The following PARP9 variants were observed in gnomAD, a reference collection of about 807,000 sequenced individuals.
The protein encoded by PARP9 is poly(ADP-ribose) polymerase family member 9, also known as protein mono-ADP-ribosyltransferase PARP9.
In PARP9, 48 loss-of-function variants were observed where a neutral mutation model predicts 68.8. The observed-to-expected ratio is 0.70, with a 90% CI of 0.55 to 0.89. The LOEUF (loss-of-function observed/expected upper bound fraction) is 0.89, where lower values mean the gene tolerates loss of function less well. PARP9 is among the 40% of genes least tolerant of loss of function. PARP9 has a pLI of 0.00. For synonymous variants in PARP9, 309 were observed against 333.8 expected (o/e 0.93, Z 0.81); for missense variants, 806 against 969.3 (o/e 0.83, Z 2.24).
upstream of PARP9, chr3:122,564,449 C>G: frequency 6.2e-7 from 1 of 1,611,268 alleles, no homozygotes; most frequent in African/African-American, 1.3e-5. Context: ...CTGCGCCCGC[C>G]GTCCCCGCTC....
chr3:122,556,007 C>T lies in PARP9; in HGVS notation c.164G>A (p.Gly55Asp), dbSNP rs765075961. Residue 55 changes from glycine (G) to aspartate (D), a missense_variant, in exon 4 of 11, where the codon GGC (glycine) becomes GAC (aspartate). Physicochemically the swap from Gly to Asp is moderately conservative, Grantham distance 94. Around this residue, in one of 2 missense-constraint regions of PARP9, gnomAD observed 126 missense variants for 110.5 expected, o/e 1.14. Transcript: ENST00000682323. ...TGGAGAGACCAGGGTAGAGATACAG[C>T]CAAACTTATTCTGGAGGACTTCACA... ...QLCEVLQNKF[G>D]CISTLVSPVQ... The T allele has an allele frequency of 6.2e-7, 1 of 1,613,730 alleles. No homozygotes were observed. The highest frequency in any genetic ancestry group is 2.2e-5 in the East Asian group (1 of 44,888).
chr3:122,532,561 G>C, intron 10 of PARP9: 3 of 401,410 alleles, frequency 7.5e-6, no homozygotes, highest in Non-Finnish European at 1.0e-5. Flanking sequence ...GTGAGAGTTG[G>C]GTAAAGTTCC....
At chr3:122,546,544 A>T (rs1375662805) in intron 6 of PARP9, among the ~76,000 whole-genome samples, 1 of 152,218 alleles carries the variant, frequency 6.6e-6, no homozygotes, top group South Asian at 2.1e-4. Context: ...ACTACAACTT[A>T]TTTAGGAAGA....
At position 122,550,594 on chromosome 3, in the gene PARP9, T is replaced by A. The variant is rs1318198595; in HGVS notation, c.1316A>T (p.Glu439Val). The change falls in exon 6 of 11, where the codon GAG (glutamate) becomes GTG (valine). Residue 439 changes from glutamate to valine, a missense_variant. Glu to Val is a moderately radical substitution (Grantham distance 121). Transcript: ENST00000682323. ...VKFVIFPTDL[E>V]IYKAFSSEMA... Reference sequence around the variant, plus strand: ...AAGATATTAACTTACCTTATATATCTCCAAATCTGTTGGAAAGATCACAAA... The same window carrying A: ...AAGATATTAACTTACCTTATATATCACCAAATCTGTTGGAAAGATCACAAA... 1.9e-6 allele frequency: 3 copies of A among 1,608,202 alleles called. No individual in the cohort carries two copies. In the African/African-American group the frequency reaches 4.0e-5, roughly 22 times the overall value.
Position 122,540,466 on chromosome 3 carries a change from A to C in PARP9, c.1765+6T>G, listed in dbSNP as rs2078115336. On this transcript the variant is annotated splice_donor_region_variant and intron_variant, in intron 8 of 10. Coordinates refer to ENST00000682323, the MANE Select transcript of PARP9 (RefSeq NM_001146105.2). ...TTACTTTCTAATTTGATAGAAAGTT[A>C]CTCACCTAACGAGCGCCAAAGGCCT... The C allele has an allele frequency of 6.2e-7, 1 of 1,608,918 alleles. No homozygotes were observed. The highest frequency in any genetic ancestry group is 1.7e-5 in the Admixed American group (1 of 59,336).
intron 10 of PARP9, chr3:122,534,170 G>C: frequency 1.2e-6 from 1 of 802,904 alleles, no homozygotes. Context: ...CAAGATCTGT[G>C]GTTAGGTTAT....
At chr3:122,562,213 C>T (rs1054445395) in intron 1 of PARP9, among the ~76,000 whole-genome samples, 16 of 143,932 alleles carry the variant, frequency 1.1e-4, no homozygotes, top group Non-Finnish European at 2.3e-4. Context: ...CTTTTTGAGA[C>T]GGAGTCTTAC....
chr3:122,554,885 ATT>A (rs111889676), intron 4 of PARP9, among the ~76,000 whole-genome samples: 16 of 143,598 alleles, frequency 1.1e-4, no homozygotes, highest in Admixed American at 1.4e-4. Context: ...TGCCCTGATA[ATT>A]TTTTTTTTTT....
Position 122,532,991 on chromosome 3 carries a change from C to A in PARP9, c.2080+3177G>T, listed in dbSNP as rs28403550. ...TTTATCCCGTAGGCAACTGGGAATA[C>A]AGATATTAAGCAAGAATGTAATTTT... is the stretch of plus-strand genomic sequence containing the variant. On this transcript the variant is annotated intron_variant, in intron 10 of 10. Transcript: ENST00000682323. 0.15 allele frequency: 23,184 copies of A among 152,082 alleles called. 1,860 individuals are homozygous for A. The highest frequency in any genetic ancestry group is 0.33 in the East Asian group (1,689 of 5,176). The allele number at this position is 152,082 out of a possible 1,614,324, so 9.4% of individuals were successfully genotyped here.
At chr3:122,542,933 G>A (rs2078370409) in intron 7 of PARP9, among the ~76,000 whole-genome samples, 2 of 151,734 alleles carry the variant, frequency 1.3e-5, no homozygotes, top group South Asian at 4.2e-4. Flanking sequence ...TTGAGACCAA[G>A]TCTCCCTCCG....
chr3:122,559,528 C>A, intron 2 of PARP9, 78 bp downstream of exon 2: 1 of 1,414,912 alleles, frequency 7.1e-7, no homozygotes, highest in South Asian at 1.7e-5. Context: ...GTGAACACCC[C>A]AGATTTCTTG....
intron 8 of PARP9, among the ~76,000 whole-genome samples, chr3:122,539,568 T>TCTCTCTCTCTCTCTC: frequency 8.1e-6 from 1 of 123,214 alleles, no homozygotes; most frequent in African/African-American, 3.0e-5. Context: ...TCTTTCTTTC[T>TCTCTCTCTCTCTCTC]TTTTTTTTTG....
intron 3 of PARP9, among the ~76,000 whole-genome samples, chr3:122,556,980 A>G (rs530114378): frequency 6.6e-6 from 1 of 152,032 alleles, no homozygotes; most frequent in South Asian, 2.1e-4. Flanking sequence ...CTACACCCAC[A>G]CCATCGTGTC....
chr3:122,536,228 A>G lies in PARP9; in HGVS notation c.2020T>C (p.Tyr674His), dbSNP rs772425862. 2 of 1,614,190 alleles carry G rather than the reference A, an allele frequency of 1.2e-6. No homozygotes were observed. The highest frequency in any genetic ancestry group is 1.7e-5 in the Admixed American group (1 of 60,030). Residue 674 changes from tyrosine to histidine, a missense_variant, in exon 10 of 11, where the codon TAC (tyrosine) becomes CAC (histidine). By Grantham distance (83) the Tyr-to-His change is moderately conservative (BLOSUM62 2). Transcript: ENST00000682323. ...CTGCATACCACATTGCAGAACTGGT[A>G]TGGGACTTGCTGAAACAGCCTATGG... The part of the protein sequence containing the change: ...VSHRLFQQVP[Y>H]QFCNVVCRVG...
intron 6 of PARP9, among the ~76,000 whole-genome samples, chr3:122,547,085 C>CATAT (rs201714239): frequency 0.019 from 2,304 of 121,640 alleles, 87 homozygotes; most frequent in Non-Finnish European, 0.034. Flanking sequence ...CACACACACA[C>CATAT]ATATATATAT....
intron 6 of PARP9, among the ~76,000 whole-genome samples, chr3:122,548,612 A>G (rs1414389050): frequency 1.3e-5 from 2 of 152,222 alleles, no homozygotes; most frequent in East Asian, 3.8e-4. Flanking sequence ...ACTGCAATAT[A>G]TACTAATTAT....
intron 3 of PARP9, among the ~76,000 whole-genome samples, chr3:122,557,966 G>A (rs2079845991): frequency 6.6e-6 from 1 of 152,196 alleles, no homozygotes; most frequent in African/African-American, 2.4e-5. Context: ...CTTTTATTTT[G>A]CTTCAACTCC....
Position 122,550,575 on chromosome 3 carries a change from T to C in PARP9, c.1326+9A>G. On this transcript the variant is annotated intron_variant, in intron 6 of 10. Coordinates refer to ENST00000682323, the MANE Select transcript of PARP9 (RefSeq NM_001146105.2). ...TGAACAGTAGGACATTTCTAAGATA[T>C]TAACTTACCTTATATATCTCCAAAT... 1 of 1,582,416 alleles carries C rather than the reference T, an allele frequency of 6.3e-7. No homozygotes were observed. Among genetic ancestry groups the C allele is most frequent in the African/African-American group, 1.3e-5 (1 of 74,260 alleles).
chr3:122,540,414 C>T, intron 8 of PARP9, 58 bp downstream of exon 8: 1 of 1,586,108 alleles, frequency 6.3e-7, no homozygotes, highest in Non-Finnish European at 8.6e-7. Flanking sequence ...CACGCTCACA[C>T]CCAAAAGAAG....
Sources: allele counts gnomAD v4.1 joint callset (sites outside exome capture counted in the v4.1 genomes callset), GRCh38; gene constraint gnomAD v4.1.1; regional missense constraint gnomAD v4.1.1; transcripts MANE v1.5; gene names NCBI Gene and HGNC (gene_info 2026-07-23, HGNC 2026-07-21).